Variants in JMJD1C observed in about 807,000 individuals in gnomAD.
JMJD1C encodes jumonji domain containing 1C.
In JMJD1C, 31 loss-of-function variants were observed where a neutral mutation model predicts 245.3. The observed-to-expected ratio is 0.13, with a 90% CI of 0.09 to 0.17. JMJD1C has a LOEUF of 0.17. Ranked by LOEUF, JMJD1C falls within the 10% of genes least tolerant of loss-of-function variation. The pLI is 1.00. For missense variants in JMJD1C, 2,691 were observed against 3,000.2 expected (o/e 0.90, Z 2.41); for synonymous variants, 1,057 against 1,017.4 (o/e 1.04, Z -0.74).
chr10:63,424,486 CATTATT>C (rs1950314284), intron 1 of JMJD1C, among the ~76,000 whole-genome samples: 1 of 145,096 alleles, frequency 6.9e-6, no homozygotes, highest in African/African-American at 2.5e-5. Flanking sequence ...ACACAAAAAC[CATTATT>C]ATTTCTTTTT....
intron 1 of JMJD1C, among the ~76,000 whole-genome samples, chr10:63,429,307 T>A (rs908289763): frequency 5.3e-5 from 8 of 151,330 alleles, no homozygotes; most frequent in Admixed American, 6.6e-5. Flanking sequence ...TCAGGGGGAA[T>A]AGCACCTCAA....
intron 1 of JMJD1C, among the ~76,000 whole-genome samples, chr10:63,476,197 G>A (rs890516163): frequency 6.7e-6 from 1 of 149,806 alleles, no homozygotes; most frequent in Non-Finnish European, 1.5e-5. Context: ...GCGACAGAAT[G>A]AGATTTTGTC....
intron 1 of JMJD1C, among the ~76,000 whole-genome samples, chr10:63,493,410 T>A (rs903104986): frequency 2.6e-5 from 4 of 151,750 alleles, no homozygotes; most frequent in Non-Finnish European, 5.9e-5. Context: ...GCCTCATGAG[T>A]AGCTGCGATT....
At chr10:63,224,388 G>A (rs1564638647) in intron 3 of JMJD1C, among the ~76,000 whole-genome samples, 1 of 152,066 alleles carries the variant, frequency 6.6e-6, no homozygotes, top group Non-Finnish European at 1.5e-5. Context: ...TGAACTACCT[G>A]GTTAATTAAA....
intron 3 of JMJD1C, among the ~76,000 whole-genome samples, chr10:63,223,688 A>C (rs1197938784): frequency 2.6e-4 from 40 of 152,186 alleles, no homozygotes. Flanking sequence ...GCCTATGTTT[A>C]AATTTTATAA....
At chr10:63,517,077 C>G (rs186550703) in intron 1 of JMJD1C, among the ~76,000 whole-genome samples, 1 of 152,274 alleles carries the variant, frequency 6.6e-6, no homozygotes, top group Middle Eastern at 3.4e-3. Context: ...GTAATTTTAG[C>G]CTTTCTCCAA....
At chr10:63,477,405 T>C (rs1254955517) in intron 1 of JMJD1C, among the ~76,000 whole-genome samples, 1 of 150,088 alleles carries the variant, frequency 6.7e-6, no homozygotes, top group Admixed American at 6.7e-5. Flanking sequence ...TAGATATACA[T>C]AGATGAACAG....
intron 4 of JMJD1C, among the ~76,000 whole-genome samples, chr10:63,219,081 C>T (rs565301475): frequency 2.6e-5 from 4 of 152,170 alleles, no homozygotes; most frequent in African/African-American, 9.6e-5. Flanking sequence ...TGAAAGTTCA[C>T]TGAAATATTC....
rs760271481 is a variant in JMJD1C at position 63,208,179 on chromosome 10, G to T, written c.3490C>A (p.Pro1164Thr). ...PESEGLVGKI[P>T]EHLPHQIASH... Reference sequence around the variant, plus strand: ...GCAATCTGATGTGGAAGATGTTCTGGTATCTTGCCTACTAAACCTTCACTT... The same window carrying T: ...GCAATCTGATGTGGAAGATGTTCTGTTATCTTGCCTACTAAACCTTCACTT... Residue 1164 changes from proline to threonine, a missense_variant, in exon 10 of 26, where the codon CCA becomes ACA. Physicochemically the swap from Pro to Thr is conservative, Grantham distance 38. Transcript: ENST00000399262. 7 of 1,613,602 alleles carry T rather than the reference G, an allele frequency of 4.3e-6. No homozygotes were observed. The highest frequency in any genetic ancestry group is 3.3e-5 in the Admixed American group (2 of 59,874).
At chr10:63,314,662 T>C (rs2134068810) in intron 2 of JMJD1C, among the ~76,000 whole-genome samples, 1 of 152,252 alleles carries the variant, frequency 6.6e-6, no homozygotes, top group Non-Finnish European at 1.5e-5. Flanking sequence ...TTTTATTTTA[T>C]TTGAGATGCG....
chr10:63,205,161 A>C (rs1485458450), intron 10 of JMJD1C: 1 of 340,976 alleles, frequency 2.9e-6, no homozygotes, highest in Non-Finnish European at 4.1e-6. Context: ...ATATATAATC[A>C]GTTGTGAAGC....
chr10:63,295,248 C>T (rs1413332414), intron 2 of JMJD1C, among the ~76,000 whole-genome samples: 1 of 126,546 alleles, frequency 7.9e-6, no homozygotes, highest in Non-Finnish European at 1.6e-5. Context: ...ACATGTGCCA[C>T]TGTGCCCAAC....
intron 1 of JMJD1C, among the ~76,000 whole-genome samples, chr10:63,511,452 C>T (rs923366140): frequency 6.6e-6 from 1 of 152,210 alleles, no homozygotes; most frequent in African/African-American, 2.4e-5. Flanking sequence ...TGGCTCACGT[C>T]TGTAATCCCA....
intron 1 of JMJD1C, among the ~76,000 whole-genome samples, chr10:63,383,072 C>T (rs1339016762): frequency 3.9e-5 from 6 of 152,062 alleles, no homozygotes; most frequent in African/African-American, 1.4e-4. Flanking sequence ...CACTACAGTG[C>T]TGCATACATA....
chr10:63,344,727 A>C (rs1943663161), intron 2 of JMJD1C, among the ~76,000 whole-genome samples: 1 of 150,794 alleles, frequency 6.6e-6, no homozygotes, highest in African/African-American at 2.4e-5. Flanking sequence ...TTAAACAAGC[A>C]TGTCTCCAAA....
chr10:63,342,286 G>A (rs754174419), intron 2 of JMJD1C, among the ~76,000 whole-genome samples: 1 of 152,182 alleles, frequency 6.6e-6, no homozygotes, highest in East Asian at 1.9e-4. Flanking sequence ...GCATGACATG[G>A]TAAAAATGTG....
chr10:63,489,854 C>T (rs1954111979), intron 1 of JMJD1C, among the ~76,000 whole-genome samples: 1 of 152,158 alleles, frequency 6.6e-6, no homozygotes, highest in African/African-American at 2.4e-5. Context: ...TCCCCCGGAC[C>T]ATGGACCAGT....
chr10:63,168,688 C>T, intron 24 of JMJD1C, 122 bp from the exon 25 acceptor site: 2 of 838,210 alleles, frequency 2.4e-6, no homozygotes, highest in East Asian at 6.0e-5. Flanking sequence ...TTCTCCAAAA[C>T]ATCAAATGGA....
chr10:63,521,635 G>A, intron 1 of JMJD1C: 3 of 1,293,744 alleles, frequency 2.3e-6, no homozygotes, highest in South Asian at 3.6e-5. Flanking sequence ...GCTGTGGGAA[G>A]GGGAAGGAGC....
Sources: allele counts gnomAD v4.1 joint callset (sites outside exome capture counted in the v4.1 genomes callset), GRCh38; gene constraint gnomAD v4.1.1; transcripts MANE v1.5; gene names NCBI Gene and HGNC (gene_info 2026-07-23, HGNC 2026-07-21).